MSN: variants seen among roughly 807,000 people sequenced by gnomAD.
The protein encoded by MSN is epididymis luminal protein 70.
Under a neutral mutation model 48.0 loss-of-function variants are expected in MSN, and 2 were observed. The observed-to-expected ratio is 0.04, with a 90% confidence interval of 0.02 to 0.13. The LOEUF (loss-of-function observed/expected upper bound fraction) is 0.13, where lower values mean the gene tolerates loss of function less well. MSN is among the 10% of genes least tolerant of loss of function. The pLI is 1.00. For synonymous variants in MSN, 146 were observed against 166.9 expected (o/e 0.87, Z 0.97); for missense variants, 267 against 470.1 (o/e 0.57, Z 3.99).
At chrX:65,694,711 C>T (rs141685343) in intron 1 of MSN, among the ~76,000 whole-genome samples, 256 of 112,143 alleles carry the variant, frequency 2.3e-3, no homozygotes, top group African/African-American at 8.1e-3. Flanking sequence ...TGTGGTGAAA[C>T]CCATCGTGCC....
At chrX:65,729,821 CT>C (rs771740829) in intron 4 of MSN, 109 bp downstream of exon 4, 19 of 826,077 alleles carry the variant, frequency 2.3e-5, no homozygotes, top group Middle Eastern at 3.3e-4. Context: ...CCATTGGGGT[CT>C]GTCTGAAGAC....
intron 1 of MSN, among the ~76,000 whole-genome samples, chrX:65,592,771 T>C (rs1048230407): frequency 9.0e-6 from 1 of 110,719 alleles, no homozygotes; most frequent in African/African-American, 3.3e-5. Context: ...CTGGGTGCGG[T>C]GGCTCACACC....
Position 65,699,315 on chromosome X carries a change from G to A in MSN, c.13-17503G>A, listed in dbSNP as rs148985851. 3.8e-3 allele frequency among the ~76,000 whole-genome samples: 427 copies of A among 111,665 alleles called. 5 individuals carry two copies. The highest frequency in any genetic ancestry group is 0.013 in the African/African-American group (411 of 30,697). ...ACCACCATTCATGGCTGGTTGCTCC[G>A]AGCTAAAGATGTGGCTCCTTCTACC... On this transcript the variant is annotated intron_variant, in intron 1 of 12. Transcript: ENST00000360270.
At chrX:65,628,690 C>G (rs2070528872) in intron 1 of MSN, among the ~76,000 whole-genome samples, 1 of 111,514 alleles carries the variant, frequency 9.0e-6, no homozygotes, top group Admixed American at 9.5e-5. Flanking sequence ...TTCAATTTGT[C>G]CTTAAAAAAA....
chrX:65,656,660 G>A (rs752626006), intron 1 of MSN, among the ~76,000 whole-genome samples: 2 of 111,945 alleles, frequency 1.8e-5, no homozygotes, highest in African/African-American at 6.5e-5. Flanking sequence ...AAAGCAGGAT[G>A]TGGGAGGGAG....
intron 4 of MSN, 75 bp downstream of exon 4, chrX:65,729,787 C>G (rs1481742066): frequency 1.9e-6 from 2 of 1,045,524 alleles, no homozygotes; most frequent in African/African-American, 1.9e-5. Flanking sequence ...CCCTGCCTCA[C>G]AGGGATGCCA....
intron 1 of MSN, among the ~76,000 whole-genome samples, chrX:65,630,178 CA>C (rs779661452): frequency 2.5e-3 from 232 of 93,844 alleles, no homozygotes; most frequent in East Asian, 0.019. Flanking sequence ...GCCTTTGACT[CA>C]AAAAAAAAAA....
rs1219240320 is a variant in MSN, at chrX:65,636,747, CAAAAAAAAAAAAA to C, written c.-22+48150_-22+48162del. 7.9e-4 allele frequency among the ~76,000 whole-genome samples: 5 copies of C among 6,339 alleles called. No homozygotes were observed. The East Asian group carries it at 0.026, about 34-fold the overall frequency. The allele number at this position is 6,339 out of a possible 115,157, so 5.5% of individuals were successfully genotyped here. ...GGGCAACAAGAGCAAAACTCCATCT[CAAAAAAAAAAAAA>C]AAAAAAAAAAAAAACCAGAAAGAAA... is the stretch of plus-strand genomic sequence containing the variant. On this transcript the variant is annotated intron_variant, in intron 1 of 3. Coordinates refer to the MSN transcript ENST00000609672.
intron 1 of MSN, among the ~76,000 whole-genome samples, chrX:65,682,758 A>G (rs1389038923): frequency 8.9e-6 from 1 of 112,526 alleles, no homozygotes; most frequent in Admixed American, 9.4e-5. Flanking sequence ...GTTAATAGCT[A>G]CTATTTTCAT....
chrX:65,618,847 G>T (rs1179452145), intron 1 of MSN, among the ~76,000 whole-genome samples: 1 of 111,320 alleles, frequency 9.0e-6, no homozygotes, highest in African/African-American at 3.3e-5. Context: ...GGCTGGTACC[G>T]GTTGTTCCTT....
intron 1 of MSN, among the ~76,000 whole-genome samples, chrX:65,631,040 TC>T (rs2070552815): frequency 9.1e-6 from 1 of 110,235 alleles, no homozygotes; most frequent in Non-Finnish European, 1.9e-5. Context: ...CAGAGATCTC[TC>T]ATGTTGTCCT....
chrX:65,600,545 G>A (rs2070226420), intron 1 of MSN: 2 of 112,143 alleles, frequency 1.8e-5, no homozygotes, highest in Non-Finnish European at 3.8e-5. Context: ...AATTGCCTGT[G>A]CTCTGTGGCA....
intron 1 of MSN, among the ~76,000 whole-genome samples, chrX:65,603,920 G>A (rs755724112): frequency 2.0e-3 from 224 of 111,921 alleles, no homozygotes; most frequent in Non-Finnish European, 3.5e-3. Flanking sequence ...GACAGAAGGG[G>A]ACATATTTGA....
chrX:65,653,261 AAGGGGCACTTCAAAC>A (rs1439770880), intron 1 of MSN, among the ~76,000 whole-genome samples: 1 of 111,151 alleles, frequency 9.0e-6, no homozygotes, highest in African/African-American at 3.3e-5. Context: ...GGCTGGTTTG[AAGGGGCACTTCAAAC>A]CTGGGGGATG....
At chrX:65,614,973 T>C (rs373434419) in intron 1 of MSN, among the ~76,000 whole-genome samples, 20 of 95,534 alleles carry the variant, frequency 2.1e-4, no homozygotes, top group Non-Finnish European at 2.3e-4. Flanking sequence ...TTTGTTCTTG[T>C]GATAGTTTAC....
rs182075739 is a variant in MSN at position 65,727,468 on chromosome X, G to A, written c.97-346G>A. Among the ~76,000 whole-genome samples, 7 of 112,085 alleles carry A rather than the reference G, an allele frequency of 6.2e-5. No homozygotes were observed. In the East Asian group the frequency reaches 2.0e-3, roughly 31 times the overall value. The stretch of plus-strand genomic sequence containing the variant: ...CACTCACAACCTGAAACTTGGGCAA[G>A]TTATTTCATTTATTTGAACCTCATT... On this transcript the variant is annotated intron_variant, in intron 2 of 12. Coordinates refer to ENST00000360270, the MANE Select transcript of MSN (RefSeq NM_002444.3).
At chrX:65,697,517 C>T (rs890691377) in intron 1 of MSN, among the ~76,000 whole-genome samples, 1 of 111,394 alleles carries the variant, frequency 9.0e-6, no homozygotes, top group African/African-American at 3.3e-5. Context: ...TCCTCACTGC[C>T]CCTTCCTCTT....
rs139317006 is a variant in MSN at position 65,733,278 on chromosome X, C to T, written c.793C>T (p.Pro265Ser). The change falls in exon 7 of 13, where the codon CCG becomes TCG. Residue 265 changes from proline (P) to serine (S), a missense_variant and splice_region_variant. By Grantham distance (74) the Pro-to-Ser change is moderately conservative. Coordinates refer to ENST00000360270, the MANE Select transcript of MSN (RefSeq NM_002444.3). Reference protein sequence around the residue: ...FVIKPIDKKAPDFVFYAPRLR... With the variant: ...FVIKPIDKKASDFVFYAPRLR... ...CATCAAGCCCATTGACAAAAAAGCC[C>T]CGGTGAGTGATTCCTCCCTCTGACC... is the stretch of plus-strand genomic sequence containing the variant. 1 of 1,199,242 alleles carries T rather than the reference C, an allele frequency of 8.3e-7. No individual in the cohort carries two copies. Among genetic ancestry groups the T allele is most frequent in the Non-Finnish European group, 1.1e-6 (1 of 885,353 alleles).
intron 1 of MSN, among the ~76,000 whole-genome samples, chrX:65,590,114 C>A (rs776995056): frequency 4.5e-5 from 5 of 110,763 alleles, no homozygotes; most frequent in Non-Finnish European, 7.6e-5. Context: ...CGGGGCCGGC[C>A]AAGAGTTTTT....
Sources: allele counts gnomAD v4.1 joint callset (sites outside exome capture counted in the v4.1 genomes callset), GRCh38; gene constraint gnomAD v4.1.1; transcripts MANE v1.5; gene names NCBI Gene and HGNC (gene_info 2026-07-23, HGNC 2026-07-21).